REDIC1: variants seen among roughly 807,000 people sequenced by gnomAD.
REDIC1 encodes regulator of DNA class I crossover intermediates 1.
chr12:39,894,838 G>A, the REDIC1 span, among the ~76,000 whole-genome samples: 3 of 151,788 alleles, frequency 2.0e-5, no homozygotes, highest in Non-Finnish European at 4.4e-5. Flanking sequence ...GGGAAAGAAA[G>A]CAAAAAGTCA....
chr12:39,749,114 A>T, the REDIC1 span, among the ~76,000 whole-genome samples: 2 of 152,208 alleles, frequency 1.3e-5, no homozygotes, highest in African/African-American at 2.4e-5. Context: ...CCCTTCAAAA[A>T]ATCAATGAAT....
chr12:39,749,273 C>G, the REDIC1 span, among the ~76,000 whole-genome samples: 1 of 152,160 alleles, frequency 6.6e-6, no homozygotes, highest in African/African-American at 2.4e-5. Context: ...AAACTACCAT[C>G]AGAGAATACT....
the REDIC1 span, among the ~76,000 whole-genome samples, chr12:39,719,902 C>T: frequency 3.9e-5 from 6 of 152,170 alleles, no homozygotes; most frequent in East Asian, 1.9e-4. Context: ...CATTTTAAGA[C>T]GTATCTACTA....
At chr12:39,636,188 C>T in the REDIC1 span, among the ~76,000 whole-genome samples, 1 of 152,216 alleles carries the variant, frequency 6.6e-6, no homozygotes, top group African/African-American at 2.4e-5. Flanking sequence ...CAGCTTGTAG[C>T]TGTGGAACAG....
At chr12:39,840,615 C>G in the REDIC1 span, among the ~76,000 whole-genome samples, 1 of 151,988 alleles carries the variant, frequency 6.6e-6, no homozygotes, top group African/African-American at 2.4e-5. Flanking sequence ...CCTTATCTTT[C>G]CTATACTTCC....
At chr12:39,700,702 C>T in the REDIC1 span, among the ~76,000 whole-genome samples, 2 of 151,892 alleles carry the variant, frequency 1.3e-5, no homozygotes, top group Admixed American at 6.6e-5. Context: ...TCGGGTTACC[C>T]TCAAAGGGAA....
At chr12:39,871,357 A>C in the REDIC1 span, among the ~76,000 whole-genome samples, 1 of 147,668 alleles carries the variant, frequency 6.8e-6, no homozygotes, top group Non-Finnish European at 1.5e-5. Context: ...ACATGGTTCT[A>C]ATATTCCACT....
the REDIC1 span, among the ~76,000 whole-genome samples, chr12:39,691,812 T>G: frequency 6.6e-6 from 1 of 152,138 alleles, no homozygotes; most frequent in Admixed American, 6.5e-5. Context: ...TTTTTCTCAG[T>G]AATTCATTTC....
the REDIC1 span, among the ~76,000 whole-genome samples, chr12:39,711,840 TATACACATGCATGTGTATGTGTATACAC>T: frequency 1.1e-5 from 1 of 88,136 alleles, no homozygotes; most frequent in African/African-American, 4.9e-5. Flanking sequence ...TATATGTGTG[TATACACATGCATGTGTATGTGTATACAC>T]GTATACACAT....
At chr12:39,697,758 A>G in the REDIC1 span, among the ~76,000 whole-genome samples, 3 of 152,198 alleles carry the variant, frequency 2.0e-5, no homozygotes, top group African/African-American at 7.2e-5. Flanking sequence ...CATACAACAG[A>G]TACACAAAAA....
the REDIC1 span, among the ~76,000 whole-genome samples, chr12:39,731,094 A>C: frequency 5.3e-5 from 8 of 152,300 alleles, no homozygotes; most frequent in South Asian, 6.2e-4. Flanking sequence ...GCATTGGGTT[A>C]GAACACGCGT....
the REDIC1 span, chr12:39,864,732 T>C: frequency 6.2e-7 from 1 of 1,609,992 alleles, no homozygotes; most frequent in Non-Finnish European, 8.5e-7. Context: ...CAGAGTCATG[T>C]AAAGGAAGAA....
chr12:39,688,522 G>GTTT, the REDIC1 span, among the ~76,000 whole-genome samples: 45 of 152,216 alleles, frequency 3.0e-4, no homozygotes, highest in African/African-American at 1.0e-3. Context: ...GAGTGGCCTA[G>GTTT]GTAATTCTGG....
At chr12:39,868,416 C>G in the REDIC1 span, among the ~76,000 whole-genome samples, 2 of 152,174 alleles carry the variant, frequency 1.3e-5, no homozygotes, top group African/African-American at 4.8e-5. Flanking sequence ...AATAATTTCC[C>G]TTCCCATGAC....
chr12:39,725,045 G>A, the REDIC1 span, among the ~76,000 whole-genome samples: 1 of 151,918 alleles, frequency 6.6e-6, no homozygotes, highest in African/African-American at 2.4e-5. Context: ...TAAAAAAAAT[G>A]AAATCTATAT....
the REDIC1 span, among the ~76,000 whole-genome samples, chr12:39,805,866 AAC>A: frequency 7.7e-4 from 117 of 152,338 alleles, no homozygotes; most frequent in Middle Eastern, 3.4e-3. Flanking sequence ...ACATTTTGGA[AAC>A]ACAGGAAGAG....
chr12:39,708,897 A>C, the REDIC1 span, among the ~76,000 whole-genome samples: 1 of 151,874 alleles, frequency 6.6e-6, no homozygotes, highest in Non-Finnish European at 1.5e-5. Flanking sequence ...TTAAGTCCAA[A>C]AGAAAAGTTT....
the REDIC1 span, among the ~76,000 whole-genome samples, chr12:39,685,817 G>T: frequency 6.6e-6 from 1 of 152,314 alleles, no homozygotes; most frequent in African/African-American, 2.4e-5. Flanking sequence ...TTACTTCCAA[G>T]ATTCAATGGC....
chr12:39,883,271 T>C, the REDIC1 span, among the ~76,000 whole-genome samples: 4 of 152,162 alleles, frequency 2.6e-5, no homozygotes, highest in Admixed American at 6.6e-5. Context: ...TGTGTCTTAG[T>C]TTTTCTGAAT....
Sources: gnomAD v4.1 joint callset for allele counts (sites outside exome capture counted in the v4.1 genomes callset) on GRCh38, gnomAD v4.1.1 for gene constraint, MANE v1.5 for transcripts, NCBI Gene and HGNC (gene_info 2026-07-23, HGNC 2026-07-21) for gene names.